NCOA2: variants seen among roughly 807,000 people sequenced by gnomAD.
The protein encoded by NCOA2 is class E basic helix-loop-helix protein 75.
NCOA2 carries 21 observed loss-of-function variants against 145.1 expected under a neutral mutation model. The ratio of observed to expected loss-of-function variants is 0.14; its 90% CI spans 0.10 to 0.21. The LOEUF is 0.21. Ranked by LOEUF, NCOA2 falls within the 10% of genes least tolerant of loss-of-function variation. The probability of loss-of-function intolerance (pLI) is 1.00; values close to 1 mark genes in which losing one functional copy is unlikely to be tolerated. For synonymous variants in NCOA2, 619 were observed against 637.5 expected (o/e 0.97, Z 0.44); for missense variants, 1,472 against 1,837.6 (o/e 0.80, Z 3.64).
intron 2 of NCOA2, among the ~76,000 whole-genome samples, chr8:70,227,261 T>C (rs1410900116): frequency 2.0e-5 from 3 of 152,204 alleles, no homozygotes; most frequent in Admixed American, 1.3e-4. Context: ...GTGGGTTCTT[T>C]ACCTCAATCA....
At chr8:70,310,374 T>C (rs1229372828) in intron 1 of NCOA2, among the ~76,000 whole-genome samples, 1 of 145,478 alleles carries the variant, frequency 6.9e-6, no homozygotes, top group East Asian at 2.1e-4. Context: ...AAAAATCTCA[T>C]AGAGTGACCG....
At chr8:70,386,970 G>A (rs893547904) in intron 1 of NCOA2, among the ~76,000 whole-genome samples, 2 of 152,088 alleles carry the variant, frequency 1.3e-5, no homozygotes, top group Admixed American at 1.3e-4. Context: ...GAGTGCAGTG[G>A]CATGATCATG....
chr8:70,151,292 CTT>C (rs148583371), intron 11 of NCOA2, among the ~76,000 whole-genome samples: 9 of 144,766 alleles, frequency 6.2e-5, no homozygotes, highest in Non-Finnish European at 3.0e-5. Flanking sequence ...CACACTTTTC[CTT>C]TTTTTTTTTT....
intron 1 of NCOA2, among the ~76,000 whole-genome samples, chr8:70,397,649 A>G (rs1466846662): frequency 6.6e-6 from 1 of 152,176 alleles, no homozygotes; most frequent in African/African-American, 2.4e-5. Flanking sequence ...CGCCCAACTA[A>G]AGAGTGCCAT....
At chr8:70,299,086 A>C (rs141287605) in intron 1 of NCOA2, among the ~76,000 whole-genome samples, 87 of 152,280 alleles carry the variant, frequency 5.7e-4, no homozygotes, top group South Asian at 4.6e-3. Flanking sequence ...AACAAACAAA[A>C]AAAACCAGAA....
chr8:70,277,881 A>G (rs865916580), intron 2 of NCOA2, among the ~76,000 whole-genome samples: 9 of 152,178 alleles, frequency 5.9e-5, no homozygotes, highest in South Asian at 2.1e-4. Context: ...TCCCATATTC[A>G]TATCTTTATA....
chr8:70,336,757 G>T (rs1209771794), intron 1 of NCOA2, among the ~76,000 whole-genome samples: 3 of 152,206 alleles, frequency 2.0e-5, no homozygotes, highest in African/African-American at 7.2e-5. Flanking sequence ...CCTCCAACAT[G>T]TGGGGATTAC....
chr8:70,438,924 T>C, the NCOA2 span, among the ~76,000 whole-genome samples: 5 of 152,208 alleles, frequency 3.3e-5, no homozygotes, highest in Non-Finnish European at 7.4e-5. Flanking sequence ...TACATTCCAA[T>C]GGTTTTCTGC....
chr8:70,275,143 A>G (rs1364805342), intron 2 of NCOA2, among the ~76,000 whole-genome samples: 1 of 152,214 alleles, frequency 6.6e-6, no homozygotes, highest in Non-Finnish European at 1.5e-5. Context: ...CAAAATAAGT[A>G]CAAATATGCC....
the NCOA2 span, among the ~76,000 whole-genome samples, chr8:70,434,796 C>A: frequency 6.6e-6 from 1 of 152,046 alleles, no homozygotes; most frequent in Non-Finnish European, 1.5e-5. Flanking sequence ...GTCTTGAACT[C>A]CTGGGTTCAA....
intron 16 of NCOA2, among the ~76,000 whole-genome samples, chr8:70,130,220 C>G (rs541979539): frequency 6.6e-6 from 1 of 152,262 alleles, no homozygotes; most frequent in East Asian, 1.9e-4. Flanking sequence ...AACATGAATA[C>G]GAATAATTTG....
intron 1 of NCOA2, among the ~76,000 whole-genome samples, chr8:70,357,950 C>T (rs2130951484): frequency 6.6e-6 from 1 of 151,954 alleles, no homozygotes; most frequent in East Asian, 1.9e-4. Flanking sequence ...ACTTGGGAGG[C>T]TGAGGCAGGA....
chr8:70,342,690 T>G (rs940435376), intron 1 of NCOA2, among the ~76,000 whole-genome samples: 1 of 150,732 alleles, frequency 6.6e-6, no homozygotes, highest in Non-Finnish European at 1.5e-5. Context: ...AGAATACACA[T>G]TATAATATTA....
chr8:70,299,441 A>G (rs968828272), intron 1 of NCOA2, among the ~76,000 whole-genome samples: 4 of 152,240 alleles, frequency 2.6e-5, no homozygotes, highest in Non-Finnish European at 5.9e-5. Flanking sequence ...AAATTATTTG[A>G]TAAAGGGCAT....
chr8:70,211,967 G>T (rs1239820476), intron 4 of NCOA2, among the ~76,000 whole-genome samples: 3 of 151,704 alleles, frequency 2.0e-5, no homozygotes, highest in African/African-American at 7.3e-5. Context: ...GTATGGCGCA[G>T]TCCCAGCATG....
the NCOA2 span, among the ~76,000 whole-genome samples, chr8:70,417,484 G>A: frequency 6.6e-6 from 1 of 152,062 alleles, no homozygotes; most frequent in African/African-American, 2.4e-5. Flanking sequence ...GGGAGGCAGA[G>A]GTTGCAGTGA....
At chr8:70,119,227 C>A (rs969897375) in intron 22 of NCOA2, among the ~76,000 whole-genome samples, 15 of 152,288 alleles carry the variant, frequency 9.8e-5, no homozygotes, top group African/African-American at 3.4e-4. Flanking sequence ...TCACCCTTCT[C>A]AGTCTCTGTT....
At chr8:70,130,666 C>G (rs1462484266) in intron 16 of NCOA2, among the ~76,000 whole-genome samples, 1 of 152,198 alleles carries the variant, frequency 6.6e-6, no homozygotes, top group African/African-American at 2.4e-5. Context: ...TATGACAAGA[C>G]TAATTTTAAT....
At chr8:70,258,166 C>T (rs1202210225) in intron 2 of NCOA2, among the ~76,000 whole-genome samples, 1 of 152,182 alleles carries the variant, frequency 6.6e-6, no homozygotes. Flanking sequence ...ATCCGCCAGC[C>T]TCGGCCTCCC....
Sources: allele counts gnomAD v4.1 joint callset (sites outside exome capture counted in the v4.1 genomes callset), GRCh38; gene constraint gnomAD v4.1.1; transcripts MANE v1.5; gene names NCBI Gene and HGNC (gene_info 2026-07-23, HGNC 2026-07-21).